Variants in KDM4C observed in about 807,000 individuals in gnomAD.
The protein encoded by KDM4C is lysine-specific demethylase 4C.
A neutral mutation model predicts 129.3 loss-of-function variants in KDM4C; 81 were observed. The ratio of observed to expected loss-of-function variants is 0.63; its 90% confidence interval spans 0.52 to 0.75. The LOEUF (loss-of-function observed/expected upper bound fraction) is 0.75. Ranked by LOEUF, KDM4C falls within the 30% of genes least tolerant of loss-of-function variation. The pLI is 0.00. For missense variants in KDM4C, 1,457 were observed against 1,304.0 expected (o/e 1.12, Z -1.81); for synonymous variants, 573 against 456.1 (o/e 1.26, Z -3.26).
chr9:7,163,181 C>T (rs1587946404), intron 19 of KDM4C, among the ~76,000 whole-genome samples: 1 of 152,032 alleles, frequency 6.6e-6, no homozygotes, highest in Non-Finnish European at 1.5e-5. Flanking sequence ...CTTGCAGGCA[C>T]CCTTAGTACC....
chr9:7,027,374 G>A (rs1369857622), intron 15 of KDM4C, among the ~76,000 whole-genome samples: 3 of 152,160 alleles, frequency 2.0e-5, no homozygotes, highest in Non-Finnish European at 4.4e-5. Context: ...AAAATCCAGA[G>A]GAATTTTCTG....
At chr9:6,982,392 G>A (rs780606435) in intron 9 of KDM4C, 1 of 152,114 alleles carries the variant, frequency 6.6e-6, no homozygotes, top group African/African-American at 2.4e-5. Flanking sequence ...CAAAGTGTTT[G>A]TTAGTAGGTC....
At chr9:6,950,936 AT>A (rs912962146) in intron 8 of KDM4C, among the ~76,000 whole-genome samples, 7 of 152,168 alleles carry the variant, frequency 4.6e-5, no homozygotes, top group African/African-American at 1.2e-4. Context: ...AAATACTTGA[AT>A]TTTGGGGGGA....
intron 4 of KDM4C, among the ~76,000 whole-genome samples, chr9:6,840,107 C>G (rs1836634985): frequency 6.6e-6 from 1 of 150,768 alleles, no homozygotes; most frequent in African/African-American, 2.4e-5. Context: ...AGGTCTCACT[C>G]TGTCACCCAG....
At position 6,720,927 on chromosome 9, in the gene KDM4C, G is replaced by A. The variant is rs369925875; in HGVS notation, c.-22G>A. ...TAGTTGGAGTGTTCTGCATTCATGT[G>A]GAAGAGGCTAAAGGATGTTTGATGA... On this transcript the variant is annotated 5_prime_UTR_variant, in exon 1 of 18. Transcript: ENST00000536108. The A allele has an allele frequency of 7.8e-5, 121 of 1,550,716 alleles. No individual in the cohort carries two copies. The African/African-American group carries it at 1.6e-3, about 20-fold the overall frequency.
chr9:6,757,635 G>C, upstream of KDM4C: 2 of 985,482 alleles, frequency 2.0e-6, no homozygotes, highest in Non-Finnish European at 2.4e-6. Flanking sequence ...CCGCGCGTCG[G>C]AGGCCGCCAT....
intron 2 of KDM4C, among the ~76,000 whole-genome samples, chr9:6,797,028 A>C (rs1827877711): frequency 6.8e-6 from 1 of 147,904 alleles, no homozygotes; most frequent in Non-Finnish European, 1.5e-5. Context: ...TTGCCCTGTT[A>C]GGCTGGGTGG....
At chr9:7,020,377 C>T (rs1052809271) in intron 15 of KDM4C, among the ~76,000 whole-genome samples, 2 of 152,180 alleles carry the variant, frequency 1.3e-5, no homozygotes, top group African/African-American at 4.8e-5. Flanking sequence ...TTCAGTATTA[C>T]CCAAATAAAT....
At chr9:7,117,374 G>A (rs548518835) in intron 18 of KDM4C, among the ~76,000 whole-genome samples, 12 of 152,200 alleles carry the variant, frequency 7.9e-5, no homozygotes, top group Admixed American at 7.9e-4. Context: ...GTAATTGAGA[G>A]TCAGAAATCG....
Position 7,142,072 on chromosome 9 carries a change from A to G in KDM4C, c.2781+13836A>G, listed in dbSNP as rs76010426. On this transcript the variant is annotated intron_variant, in intron 19 of 21. Transcript: ENST00000381309. ...TGACACACGAACATTTAAATTGAGC[A>G]TTTATCCCTCTTGAATTTGGCTGTT... Among the ~76,000 whole-genome samples the G allele has an allele frequency of 9.2e-3, 1,407 of 152,304 alleles. 25 individuals carry two copies. Among genetic ancestry groups the G allele is most frequent in the African/African-American group, 0.032 (1,336 of 41,566 alleles).
upstream of KDM4C, among the ~76,000 whole-genome samples, chr9:6,757,205 T>C (rs1273524387): frequency 6.6e-6 from 1 of 152,202 alleles, no homozygotes; most frequent in Non-Finnish European, 1.5e-5. Flanking sequence ...TCTCAGACGC[T>C]GGAGGCACCT....
At chr9:6,854,893 G>A (rs548772097) in intron 5 of KDM4C, among the ~76,000 whole-genome samples, 19 of 152,236 alleles carry the variant, frequency 1.2e-4, no homozygotes, top group African/African-American at 4.3e-4. Context: ...ACTCTTTACT[G>A]AGCATGTGAC....
At chr9:6,876,496 C>G (rs1843577424) in intron 5 of KDM4C, among the ~76,000 whole-genome samples, 1 of 152,186 alleles carries the variant, frequency 6.6e-6, no homozygotes, top group African/African-American at 2.4e-5. Context: ...AACGTGCGTT[C>G]CCCTCTACCG....
At chr9:6,943,664 A>G (rs1826362342) in intron 8 of KDM4C, among the ~76,000 whole-genome samples, 1 of 144,842 alleles carries the variant, frequency 6.9e-6, no homozygotes. Context: ...GACATAGGGA[A>G]ATCTTGTCTC....
chr9:7,001,451 G>C (rs1036768667), intron 12 of KDM4C, among the ~76,000 whole-genome samples: 25 of 152,206 alleles, frequency 1.6e-4, no homozygotes, highest in African/African-American at 6.0e-4. Context: ...CCCAGGAGAA[G>C]ATTGAATCTT....
chr9:6,949,654 C>T (rs1048571583), intron 8 of KDM4C, among the ~76,000 whole-genome samples: 11 of 152,168 alleles, frequency 7.2e-5, no homozygotes, highest in Non-Finnish European at 1.5e-4. Flanking sequence ...GCCCGGCCAA[C>T]ACAGCGAAAC....
intron 19 of KDM4C, among the ~76,000 whole-genome samples, chr9:7,144,747 G>A (rs1842065210): frequency 6.6e-6 from 1 of 152,270 alleles, no homozygotes; most frequent in South Asian, 2.1e-4. Context: ...TGGGTGAAGT[G>A]GAGAGTGAAA....
intron 17 of KDM4C, among the ~76,000 whole-genome samples, chr9:7,083,711 A>ATGTG (rs142609948): frequency 0.056 from 8,053 of 143,218 alleles, 286 homozygotes; most frequent in Admixed American, 0.1. Flanking sequence ...CACATGACTG[A>ATGTG]TGTGTGTGTG....
chr9:6,756,139 C>G (rs1302666468), upstream of KDM4C, among the ~76,000 whole-genome samples: 1 of 152,150 alleles, frequency 6.6e-6, no homozygotes, highest in African/African-American at 2.4e-5. Flanking sequence ...CCAAAAGACC[C>G]TAGCTGCTTG....
Sources: gnomAD v4.1 joint callset for allele counts (sites outside exome capture counted in the v4.1 genomes callset) on GRCh38, gnomAD v4.1.1 for gene constraint, MANE v1.5 for transcripts, NCBI Gene and HGNC (gene_info 2026-07-23, HGNC 2026-07-21) for gene names.